Variants in ADGRA2 observed in about 807,000 individuals in gnomAD.
The protein encoded by ADGRA2 is adhesion G protein-coupled receptor A2, also known as G-protein coupled receptor 124.
A neutral mutation model predicts 98.7 loss-of-function variants in ADGRA2; 61 were observed. The observed-to-expected ratio is 0.62, with a 90% CI of 0.50 to 0.76. The LOEUF is 0.76. Among genes scored for constraint, ADGRA2 ranks in the 30% least tolerant of loss-of-function variants. The pLI is 0.00. For synonymous variants in ADGRA2, 858 were observed against 831.5 expected, an observed-to-expected ratio of 1.03 and a Z score of -0.55; for missense variants, 1,712 against 1,860.0, an observed-to-expected ratio of 0.92 and a Z score of 1.46.
At chr8:37,831,828 G>GC (rs767182905) in intron 8 of ADGRA2, among the ~76,000 whole-genome samples, 51 of 152,230 alleles carry the variant, frequency 3.4e-4, no homozygotes, top group Non-Finnish European at 7.1e-4. Context: ...ACTTTGGAAG[G>GC]CCAAGGCAGG....
Position 37,842,134 on chromosome 8 carries a change from G to T in ADGRA2, c.3796G>T (p.Ala1266Ser), listed in dbSNP as rs894722744. Reference protein sequence around the residue: ...SDTSAAPLSEAGRAGQRRSAS... With the variant: ...SDTSAAPLSESGRAGQRRSAS... ...CACCAGCGCCGCGCCGCTTTCTGAG[G>T]CGGGCCGGGCAGGCCAGCGCCGCAG... Residue 1266 changes from alanine (A) to serine (S), a missense_variant, in exon 19 of 19, where the codon GCG (alanine) becomes TCG (serine). By Grantham distance (99) the Ala-to-Ser change is moderately conservative. Coordinates refer to ENST00000412232, the MANE Select transcript of ADGRA2 (RefSeq NM_032777.10). 4 of 1,494,874 alleles carry T rather than the reference G, an allele frequency of 2.7e-6. No homozygotes were observed. Among genetic ancestry groups the T allele is most frequent in the Non-Finnish European group, 1.8e-6 (2 of 1,130,128 alleles). 92.6% of individuals were successfully genotyped at this position (1,494,874 alleles called of 1,614,324 possible). A position where few individuals can be genotyped will look rare whatever the true frequency, so the allele number is the denominator to read the frequency against.
At chr8:37,831,627 C>T (rs763983905) in intron 8 of ADGRA2, 40 bp downstream of exon 8, 2 of 1,586,898 alleles carry the variant, frequency 1.3e-6, no homozygotes, top group African/African-American at 2.7e-5. Flanking sequence ...GCCCAGCCCC[C>T]AACCCCACCC....
chr8:37,842,454 A>C lies in ADGRA2; in HGVS notation c.*99A>C. 1 of 1,374,752 alleles carries C rather than the reference A, an allele frequency of 7.3e-7. No homozygotes were observed. The highest frequency in any genetic ancestry group is 3.8e-5 in the Admixed American group (1 of 26,432). 85.2% of individuals were successfully genotyped at this position (1,374,752 alleles called of 1,614,324 possible). A position where few individuals can be genotyped will look rare whatever the true frequency, so the allele number is the denominator to read the frequency against. ...TCTCCGTAGTCAGCAGGTTGGAGGC[A>C]GAGGAGCCGATGGCTGGAGGAAGCC... On this transcript the variant is annotated 3_prime_UTR_variant, in exon 19 of 19. Transcript: ENST00000412232.
intron 1 of ADGRA2, among the ~76,000 whole-genome samples, chr8:37,806,430 C>T (rs552262001): frequency 4.3e-4 from 66 of 152,194 alleles, no homozygotes; most frequent in African/African-American, 1.5e-3. Context: ...CAACTGTTTC[C>T]TCTTCCTCTC....
At position 37,844,786 on chromosome 8, in the gene ADGRA2, G is replaced by A. The variant is rs201460866; in HGVS notation, c.*2431G>A. 156 of 1,613,760 alleles carry A rather than the reference G, an allele frequency of 9.7e-5. No individual in the cohort carries two copies. Among genetic ancestry groups the A allele is most frequent in the Non-Finnish European group, 1.2e-4 (138 of 1,179,918 alleles). On this transcript the variant is annotated 3_prime_UTR_variant, in exon 19 of 19. Coordinates refer to ENST00000412232, the MANE Select transcript of ADGRA2 (RefSeq NM_032777.10). ...CCCCACCCCGGTGGCTCCTTCTCTC[G>A]GGTCTCCACTTCTGCTGTCCCATCC...
intron 2 of ADGRA2, among the ~76,000 whole-genome samples, chr8:37,820,957 T>C (rs1313581975): frequency 6.6e-6 from 1 of 151,992 alleles, no homozygotes; most frequent in Admixed American, 6.6e-5. Context: ...GCACACACCT[T>C]TATCAGCCAG....
rs954100649 is a variant in ADGRA2, at chr8:37,841,997, G to T, written c.3659G>T (p.Gly1220Val). ...GALELLSSES[G>V]SLHNSPTDSY... ...CTGGAGCTGCTGTCCAGCGAGAGCG[G>T]CAGTCTGCACAACAGCCCCACCGAC... The change falls in exon 19 of 19, where the codon GGC becomes GTC. Residue 1220 changes from glycine (G) to valine (V), a missense_variant. Physicochemically the swap from Gly to Val is moderately radical, Grantham distance 109. Coordinates refer to ENST00000412232, the MANE Select transcript of ADGRA2 (RefSeq NM_032777.10). This position sits in a 1 kb window ranked among gnomAD's most constrained non-coding sequence, Gnocchi z 5.0. The T allele has an allele frequency of 1.3e-6, 2 of 1,513,114 alleles. No individual in the cohort carries two copies. Among genetic ancestry groups the T allele is most frequent in the East Asian group, 2.6e-5 (1 of 38,792 alleles). 93.7% of individuals were successfully genotyped at this position (1,513,114 alleles called of 1,614,324 possible). A position where few individuals can be genotyped will look rare whatever the true frequency, so the allele number is the denominator to read the frequency against.
At chr8:37,827,086 A>T (rs991914774) in intron 2 of ADGRA2, among the ~76,000 whole-genome samples, 67 of 152,222 alleles carry the variant, frequency 4.4e-4, no homozygotes, top group African/African-American at 1.6e-3. Flanking sequence ...GTGGGAGCCA[A>T]GAGGCCACTG....
chr8:37,826,138 G>A (rs1398531500), intron 2 of ADGRA2, among the ~76,000 whole-genome samples: 1 of 152,170 alleles, frequency 6.6e-6, no homozygotes, highest in South Asian at 2.1e-4. Context: ...GGGGAGGGAA[G>A]GGGGGCTGCG....
chr8:37,832,902 T>A, intron 8 of ADGRA2, 108 bp from the exon 9 acceptor site: 1 of 802,590 alleles, frequency 1.2e-6, no homozygotes, highest in Non-Finnish European at 2.0e-6. Context: ...CGCTCCTGGA[T>A]CCCTCCCCAA....
rs956818746 is a variant in ADGRA2 at position 37,841,631 on chromosome 8, C to G, written c.3293C>G (p.Ala1098Gly). Residue 1098 changes from alanine (A) to glycine (G), a missense_variant, in exon 19 of 19, where the codon GCC becomes GGC. Transcript: ENST00000412232. This position sits in a 1 kb window ranked among gnomAD's most constrained non-coding sequence, Gnocchi z 5.0. ...SPAAPHAPPR[A>G]LPAAAEDGSP... Reference sequence around the variant, plus strand: ...GCGGCCCCCCATGCCCCGCCCCGGGCCCTGCCCGCCGCCGCAGAGGACGGT... The same window carrying G: ...GCGGCCCCCCATGCCCCGCCCCGGGGCCTGCCCGCCGCCGCAGAGGACGGT... 1 of 1,528,106 alleles carries G rather than the reference C, an allele frequency of 6.5e-7. No individual in the cohort carries two copies. The highest frequency in any genetic ancestry group is 8.8e-7 in the Non-Finnish European group (1 of 1,137,250). 94.7% of individuals were successfully genotyped at this position (1,528,106 alleles called of 1,614,324 possible).
rs1804356195 is a variant in ADGRA2, at chr8:37,797,301, G to A, written c.33G>A (p.Ala11=). MGAGGRRMRG[A]PARLLLPLLP... The stretch of plus-strand genomic sequence containing the variant: ...CCGGGGGACGCAGGATGCGGGGGGC[G>A]CCCGCGCGCCTGCTGCTGCCGCTGC... The change falls in exon 1 of 19, where the codon GCG becomes GCA. Residue 11 remains alanine, a synonymous_variant. Coordinates refer to ENST00000412232, the MANE Select transcript of ADGRA2 (RefSeq NM_032777.10). This position sits in a 1 kb window ranked among gnomAD's most constrained non-coding sequence, Gnocchi z 5.3. The A allele has an allele frequency of 1.5e-6, 2 of 1,311,456 alleles. No individual in the cohort carries two copies. Among genetic ancestry groups the A allele is most frequent in the Admixed American group, 4.2e-5 (1 of 23,894 alleles). The allele number at this position is 1,311,456 out of a possible 1,614,324, so 81.2% of individuals were successfully genotyped here.
rs200225510 is a variant in ADGRA2 at position 37,814,877 on chromosome 8, G to A, written c.267-19G>A. 80 of 1,594,164 alleles carry A rather than the reference G, an allele frequency of 5.0e-5. No individual in the cohort carries two copies. In the East Asian group the frequency reaches 1.5e-3, roughly 30 times the overall value. Reference sequence around the variant, plus strand: ...CATAACAGCACCTTGTCCTGTCTGTGTCCTCTCTGTCTCTTCAGGCTCTTG... The same window carrying A: ...CATAACAGCACCTTGTCCTGTCTGTATCCTCTCTGTCTCTTCAGGCTCTTG... On this transcript the variant is annotated intron_variant, in intron 1 of 18. Transcript: ENST00000412232. The surrounding 1 kb of genome is among the most constrained non-coding windows in gnomAD (Gnocchi z 4.3).
At chr8:37,815,707 T>C (rs1804960538) in intron 2 of ADGRA2, among the ~76,000 whole-genome samples, 1 of 152,076 alleles carries the variant, frequency 6.6e-6, no homozygotes, top group Admixed American at 6.5e-5. Flanking sequence ...CATGGAGAGG[T>C]AGGGTAAGCC....
intron 1 of ADGRA2, among the ~76,000 whole-genome samples, chr8:37,803,664 G>A (rs569202859): frequency 3.9e-5 from 6 of 152,204 alleles, no homozygotes; most frequent in South Asian, 2.1e-4. Flanking sequence ...CAGAGAAGCC[G>A]TGGAGTGTAG....
intron 1 of ADGRA2, among the ~76,000 whole-genome samples, chr8:37,811,400 G>C (rs1804828250): frequency 6.7e-6 from 1 of 150,138 alleles, no homozygotes; most frequent in South Asian, 2.1e-4. Context: ...TCCAACTCCT[G>C]ACCTCAGGTG....
rs761330821 is a variant in ADGRA2, at chr8:37,844,824, C to T, written c.*2469C>T. 48 of 1,614,056 alleles carry T rather than the reference C, an allele frequency of 3.0e-5. No individual in the cohort carries two copies. Among genetic ancestry groups the T allele is most frequent in the Middle Eastern group, 1.6e-4 (1 of 6,084 alleles). On this transcript the variant is annotated 3_prime_UTR_variant, in exon 19 of 19. Transcript: ENST00000412232. ...TGCTGTCCCATCCCGAAAGGCAGAGCGGACCAGTGACTGGCGGTGCTGGAG... is the reference window on the plus strand; with the variant it reads ...TGCTGTCCCATCCCGAAAGGCAGAGTGGACCAGTGACTGGCGGTGCTGGAG...
chr8:37,841,625 C>T lies in ADGRA2; in HGVS notation c.3287C>T (p.Pro1096Leu). 5.2e-6 allele frequency: 8 copies of T among 1,535,920 alleles called. No individual in the cohort carries two copies. The highest frequency in any genetic ancestry group is 6.1e-6 in the Non-Finnish European group (7 of 1,140,670). The change falls in exon 19 of 19, where the codon CCC becomes CTC. Residue 1096 changes from proline to leucine, a missense_variant. Pro to Leu is a moderately conservative substitution (Grantham distance 98). Coordinates refer to ENST00000412232, the MANE Select transcript of ADGRA2 (RefSeq NM_032777.10). This position sits in a 1 kb window ranked among gnomAD's most constrained non-coding sequence, Gnocchi z 5.0. ...TCTCCCGCGGCCCCCCATGCCCCGC[C>T]CCGGGCCCTGCCCGCCGCCGCAGAG... is the stretch of plus-strand genomic sequence containing the variant. ...PASPAAPHAP[P>L]RALPAAAEDG...
At chr8:37,818,708 G>A (rs892907397) in intron 2 of ADGRA2, among the ~76,000 whole-genome samples, 1 of 152,240 alleles carries the variant, frequency 6.6e-6, no homozygotes, top group African/African-American at 2.4e-5. Flanking sequence ...TGCCCTCCCG[G>A]CCCTTACCTC....
Sources: gnomAD v4.1 joint callset for allele counts (sites outside exome capture counted in the v4.1 genomes callset) on GRCh38, gnomAD v4.1.1 for gene constraint, Gnocchi (gnomAD v3.1) non-coding constraint, MANE v1.5 for transcripts, NCBI Gene and HGNC (gene_info 2026-07-23, HGNC 2026-07-21) for gene names.